The following GRIN3A variants were observed in gnomAD, a reference collection of about 807,000 sequenced individuals.
GRIN3A encodes the protein glutamate ionotropic receptor NMDA type subunit 3A, also known as glutamate receptor ionotropic, NMDA 3A.
GRIN3A carries 47 observed loss-of-function variants against 92.4 expected under a neutral mutation model. The observed-to-expected ratio is 0.51, with a 90% CI of 0.40 to 0.65. The LOEUF (loss-of-function observed/expected upper bound fraction) is 0.65. Among genes scored for constraint, GRIN3A ranks in the 30% least tolerant of loss-of-function variants. The probability of loss-of-function intolerance (pLI) is 0.00; values close to 1 mark genes in which losing one functional copy is unlikely to be tolerated. For missense variants in GRIN3A, 1,324 were observed against 1,393.1 expected, an observed-to-expected ratio of 0.95 and a Z score of 0.79; for synonymous variants, 527 against 540.6, an observed-to-expected ratio of 0.97 and a Z score of 0.35.
chr9:101,734,170 C>G (rs894032575), intron 1 of GRIN3A, among the ~76,000 whole-genome samples: 4 of 152,056 alleles, frequency 2.6e-5, no homozygotes. Flanking sequence ...TTTGAAGAAA[C>G]TACACAAAAC....
At chr9:101,703,361 A>C (rs1359500994) in intron 1 of GRIN3A, among the ~76,000 whole-genome samples, 2 of 152,110 alleles carry the variant, frequency 1.3e-5, no homozygotes, top group African/African-American at 4.8e-5. Context: ...CTAGATCACT[A>C]TGCGGCTGAT....
chr9:101,653,959 T>C (rs1829047778), intron 3 of GRIN3A, among the ~76,000 whole-genome samples: 1 of 151,900 alleles, frequency 6.6e-6, no homozygotes, highest in Non-Finnish European at 1.5e-5. Flanking sequence ...TATTTAGAGC[T>C]GACTTGTGTG....
At chr9:101,717,198 C>T (rs4743484) in intron 1 of GRIN3A, among the ~76,000 whole-genome samples, 24,643 of 152,092 alleles carry the variant, frequency 0.16, 2,488 homozygotes, top group Middle Eastern at 0.22. Flanking sequence ...TTCAGTGAGG[C>T]TAAAATTCTA....
At chr9:101,648,965 C>T (rs1828975773) in intron 3 of GRIN3A, among the ~76,000 whole-genome samples, 1 of 151,882 alleles carries the variant, frequency 6.6e-6, no homozygotes, top group Non-Finnish European at 1.5e-5. Context: ...TTGCATTGAA[C>T]TTAACTCACT....
At chr9:101,725,228 C>A (rs1015565135) in intron 1 of GRIN3A, among the ~76,000 whole-genome samples, 3 of 152,008 alleles carry the variant, frequency 2.0e-5, no homozygotes, top group Admixed American at 6.5e-5. Context: ...AAGCTCAGGG[C>A]ATTATATTTG....
At chr9:101,660,253 G>T (rs750864057) in intron 3 of GRIN3A, among the ~76,000 whole-genome samples, 19 of 151,896 alleles carry the variant, frequency 1.3e-4, no homozygotes, top group Non-Finnish European at 2.8e-4. Flanking sequence ...ATGGTCTTAG[G>T]TGTTATTTGC....
intron 5 of GRIN3A, among the ~76,000 whole-genome samples, chr9:101,621,374 G>A (rs531363707): frequency 3.4e-4 from 52 of 152,068 alleles, no homozygotes; most frequent in African/African-American, 1.1e-3. Context: ...ATTGTTTCGT[G>A]TAATTTATAC....
At chr9:101,662,965 TTTC>T (rs1829190325) in intron 3 of GRIN3A, among the ~76,000 whole-genome samples, 1 of 151,856 alleles carries the variant, frequency 6.6e-6, no homozygotes, top group African/African-American at 2.4e-5. Flanking sequence ...TCTTTGGATT[TTTC>T]TTCTTCTGAG....
intron 1 of GRIN3A, among the ~76,000 whole-genome samples, chr9:101,690,573 T>G (rs2506356): frequency 0.78 from 118,722 of 152,072 alleles, 46,714 homozygotes; most frequent in Middle Eastern, 0.84. Context: ...AATCATTCAG[T>G]GGTGTGGGAG....
Position 101,722,681 on chromosome 9 carries a change from T to A in GRIN3A, c.699+14600A>T, listed in dbSNP as rs183028100. Among the ~76,000 whole-genome samples, 147 of 152,310 alleles carry A rather than the reference T, an allele frequency of 9.7e-4. 1 individual carries two copies. Among genetic ancestry groups the A allele is most frequent in the South Asian group, 1.9e-3 (9 of 4,822 alleles). The stretch of plus-strand genomic sequence containing the variant: ...GGAGATTATTTTGTAGCTTTAAAAT[T>A]TGACTGCCCTGCTGGATTTTGGACT... On this transcript the variant is annotated intron_variant, in intron 1 of 8. Coordinates refer to ENST00000361820, the MANE Select transcript of GRIN3A (RefSeq NM_133445.3).
Position 101,569,716 on chromosome 9 carries a change from G to A in GRIN3A, c.*3458C>T, listed in dbSNP as rs914459788. 44 of 152,180 alleles carry A rather than the reference G, an allele frequency of 2.9e-4. No homozygotes were observed. The highest frequency in any genetic ancestry group is 1.0e-3 in the African/African-American group (42 of 41,446). The allele number at this position is 152,180 out of a possible 1,614,324, so 9.4% of individuals were successfully genotyped here. A position where few individuals can be genotyped will look rare whatever the true frequency, so the allele number is the denominator to read the frequency against. On this transcript the variant is annotated 3_prime_UTR_variant, in exon 9 of 9. Coordinates refer to ENST00000361820, the MANE Select transcript of GRIN3A (RefSeq NM_133445.3). ...GTATAGATAGTAAAGTAGTATTAAT[G>A]CCTAGAAAGCAATTTCTGAAGAACT... is the stretch of plus-strand genomic sequence containing the variant.
chr9:101,728,139 T>C (rs1396000566), intron 1 of GRIN3A, among the ~76,000 whole-genome samples: 1 of 152,156 alleles, frequency 6.6e-6, no homozygotes, highest in Non-Finnish European at 1.5e-5. Flanking sequence ...CTAAGCCAGA[T>C]TGTGATTCTG....
intron 5 of GRIN3A, among the ~76,000 whole-genome samples, chr9:101,619,241 C>T (rs1009196133): frequency 1.3e-5 from 2 of 152,094 alleles, no homozygotes; most frequent in East Asian, 1.9e-4. Context: ...TGCAGTCTGT[C>T]CTTGGAATAC....
At chr9:101,732,423 G>A (rs1377128590) in intron 1 of GRIN3A, among the ~76,000 whole-genome samples, 1 of 152,150 alleles carries the variant, frequency 6.6e-6, no homozygotes, top group Non-Finnish European at 1.5e-5. Flanking sequence ...ATATTTCTAT[G>A]GCAGGACTTA....
In GRIN3A at chr9:101,680,995, T is replaced by C. The variant is rs188967550; in HGVS notation, c.1304+5601A>G. Among the ~76,000 whole-genome samples, 734 of 152,324 alleles carry C rather than the reference T, an allele frequency of 4.8e-3. 2 individuals carry two copies. The highest frequency in any genetic ancestry group is 8.2e-3 in the Non-Finnish European group (558 of 68,034). On this transcript the variant is annotated intron_variant, in intron 2 of 8. Transcript: ENST00000361820. ...TAGGCCAAGAACAACAATGTGTCTG[T>C]CAGTGTCCAGACTCTTGGGATTCTT... is the stretch of plus-strand genomic sequence containing the variant.
chr9:101,666,553 C>A (rs1829238912), intron 3 of GRIN3A, among the ~76,000 whole-genome samples: 1 of 151,882 alleles, frequency 6.6e-6, no homozygotes, highest in Admixed American at 6.6e-5. Context: ...AGTCTTAATA[C>A]CTGGGCAAGG....
chr9:101,667,642 T>C (rs1924031), intron 3 of GRIN3A, among the ~76,000 whole-genome samples: 50,322 of 151,840 alleles, frequency 0.33, 9,324 homozygotes, highest in Non-Finnish European at 0.41. Flanking sequence ...TTAGCATTAA[T>C]AGGAGAGAAA....
At chr9:101,734,702 A>G (rs1335181737) in intron 1 of GRIN3A, among the ~76,000 whole-genome samples, 3 of 151,974 alleles carry the variant, frequency 2.0e-5, no homozygotes, top group African/African-American at 7.2e-5. Flanking sequence ...AAACCTTCAG[A>G]TGAATGTAAT....
chr9:101,626,565 T>C (rs1828637233), intron 4 of GRIN3A, among the ~76,000 whole-genome samples: 1 of 152,194 alleles, frequency 6.6e-6, no homozygotes, highest in Non-Finnish European at 1.5e-5. Flanking sequence ...GCATTAATGA[T>C]AAGCTCTGCC....
Sources: allele counts gnomAD v4.1 joint callset (sites outside exome capture counted in the v4.1 genomes callset), GRCh38; gene constraint gnomAD v4.1.1; transcripts MANE v1.5; gene names NCBI Gene and HGNC (gene_info 2026-07-23, HGNC 2026-07-21).